SRGAP2: variants seen among roughly 807,000 people sequenced by gnomAD.
The protein encoded by SRGAP2 is SLIT-ROBO Rho GTPase activating protein 2.
SRGAP2 carries 15 observed loss-of-function variants against 57.2 expected under a neutral mutation model. That is an observed-to-expected ratio of 0.26 (90% CI 0.18 to 0.40). The LOEUF is 0.40. Ranked by LOEUF, SRGAP2 falls within the 10% of genes least tolerant of loss-of-function variation. The pLI is 1.00. For missense variants in SRGAP2, 520 were observed against 669.6 expected (o/e 0.78, Z 2.47); for synonymous variants, 249 against 248.0 (o/e 1.00, Z -0.04).
At chr1:206,372,979 TTCTTTCTTTC>T (rs1654787090) in intron 4 of SRGAP2, among the ~76,000 whole-genome samples, 2 of 79,720 alleles carry the variant, frequency 2.5e-5, no homozygotes, top group African/African-American at 5.9e-5. Context: ...CTTTCTTTCT[TTCTTTCTTTC>T]TTTCTTTCTT....
intron 3 of SRGAP2, among the ~76,000 whole-genome samples, chr1:206,329,572 T>C (rs1489201879): frequency 1.0e-5 from 1 of 97,932 alleles, no homozygotes; most frequent in Non-Finnish European, 2.1e-5. Context: ...TTTGAAGCAA[T>C]TGTGAATGGG....
At chr1:206,427,213 G>A (rs576635077) in intron 13 of SRGAP2, among the ~76,000 whole-genome samples, 1 of 152,120 alleles carries the variant, frequency 6.6e-6, no homozygotes, top group African/African-American at 2.4e-5. Context: ...TGTAATAACA[G>A]AAGTCTGTAA....
chr1:206,433,678 G>T (rs1194031407), intron 14 of SRGAP2, among the ~76,000 whole-genome samples: 1 of 151,726 alleles, frequency 6.6e-6, no homozygotes, highest in Non-Finnish European at 1.5e-5. Context: ...GGCAGAGTAT[G>T]GGTACAACCC....
At chr1:206,355,276 G>A (rs1676347882) in intron 4 of SRGAP2, among the ~76,000 whole-genome samples, 1 of 152,174 alleles carries the variant, frequency 6.6e-6, no homozygotes, top group African/African-American at 2.4e-5. Flanking sequence ...TTGTTTACTT[G>A]TGTTGTTAAG....
intron 3 of SRGAP2, among the ~76,000 whole-genome samples, chr1:206,325,017 T>C: frequency 1.5e-5 from 2 of 136,672 alleles, no homozygotes; most frequent in East Asian, 2.5e-4. Flanking sequence ...CCCGCTTCCC[T>C]CCCTCCCTCC....
In SRGAP2 at chr1:206,462,687, A is replaced by G. The variant is rs903777992; in HGVS notation, c.*1267A>G. 2.6e-5 allele frequency: 4 copies of G among 152,180 alleles called. No individual in the cohort carries two copies. The highest frequency in any genetic ancestry group is 9.7e-5 in the African/African-American group (4 of 41,442). 9.4% of individuals were successfully genotyped at this position (152,180 alleles called of 1,614,324 possible). ...AACAAGGACAATTAAGGGAACCCTG[A>G]CCCCACAGGCTCTCAAGTCTTCCCA... On this transcript the variant is annotated 3_prime_UTR_variant, in exon 23 of 23. Coordinates refer to ENST00000573034, the MANE Select transcript of SRGAP2 (RefSeq NM_015326.5).
intron 2 of SRGAP2, among the ~76,000 whole-genome samples, chr1:206,273,143 A>T (rs1229502507): frequency 5.3e-5 from 8 of 152,000 alleles, no homozygotes; most frequent in Non-Finnish European, 7.4e-5. Context: ...TGGCACACAG[A>T]TGGTTGGAAG....
intron 2 of SRGAP2, among the ~76,000 whole-genome samples, chr1:206,272,660 C>T (rs1447875844): frequency 5.9e-5 from 9 of 152,178 alleles, no homozygotes; most frequent in African/African-American, 1.9e-4. Flanking sequence ...CCTCCACTCA[C>T]CTCAGCCTCC....
At chr1:206,410,674 T>C (rs1659140006) in intron 10 of SRGAP2, among the ~76,000 whole-genome samples, 2 of 152,198 alleles carry the variant, frequency 1.3e-5, no homozygotes. Context: ...TTTTTTAACG[T>C]TCTTTATCTT....
At chr1:206,287,312 C>T (rs1373383808) in intron 2 of SRGAP2, among the ~76,000 whole-genome samples, 6 of 148,364 alleles carry the variant, frequency 4.0e-5, no homozygotes, top group Non-Finnish European at 7.5e-5. Flanking sequence ...AATGGTAAGT[C>T]AGTTGGAGGC....
In SRGAP2 at chr1:206,463,271, C is replaced by G. The variant is rs1664372843; in HGVS notation, c.*1851C>G. ...TGCTAGGCAGGAGAACTGAAGAACT[C>G]TTTCAGTGAAGTGAGTCAGCCTAGA... On this transcript the variant is annotated 3_prime_UTR_variant, in exon 23 of 23. Coordinates refer to ENST00000573034, the MANE Select transcript of SRGAP2 (RefSeq NM_015326.5). The G allele has an allele frequency of 6.6e-6, 1 of 152,546 alleles. No individual in the cohort carries two copies. Among genetic ancestry groups the G allele is most frequent in the Non-Finnish European group, 1.5e-5 (1 of 68,028 alleles). The allele number at this position is 152,546 out of a possible 1,614,324, so 9.4% of individuals were successfully genotyped here. A position where few individuals can be genotyped will look rare whatever the true frequency, so the allele number is the denominator to read the frequency against.
intron 17 of SRGAP2, among the ~76,000 whole-genome samples, chr1:206,445,456 G>A (rs562290534): frequency 6.6e-6 from 1 of 152,346 alleles, no homozygotes; most frequent in South Asian, 2.1e-4. Flanking sequence ...TAATAATCTA[G>A]AAGGAGATTA....
chr1:206,203,579 G>C lies in SRGAP2; in HGVS notation c.-614G>C, dbSNP rs560221056. 1 of 576,062 alleles carries C rather than the reference G, an allele frequency of 1.7e-6. No individual in the cohort carries two copies. Among genetic ancestry groups the C allele is most frequent in the Non-Finnish European group, 3.1e-6 (1 of 321,540 alleles). 35.7% of individuals were successfully genotyped at this position (576,062 alleles called of 1,614,324 possible). A position where few individuals can be genotyped will look rare whatever the true frequency, so the allele number is the denominator to read the frequency against. On this transcript the variant is annotated 5_prime_UTR_variant, in exon 1 of 23. Coordinates refer to ENST00000573034, the MANE Select transcript of SRGAP2 (RefSeq NM_015326.5). ...CCGATCTGCGTAGAAACGGGTGGCG[G>C]GGAAGAGAGGGGAGGAGAGCTCTGA...
chr1:206,285,736 C>T (rs1303077337), intron 2 of SRGAP2, among the ~76,000 whole-genome samples: 5 of 151,746 alleles, frequency 3.3e-5, no homozygotes, highest in African/African-American at 9.7e-5. Flanking sequence ...GGTGTGATCT[C>T]GGCTCAGTGC....
intron 4 of SRGAP2, among the ~76,000 whole-genome samples, chr1:206,369,186 C>T (rs1654302874): frequency 6.6e-6 from 1 of 151,990 alleles, no homozygotes; most frequent in Non-Finnish European, 1.5e-5. Flanking sequence ...TTTAAATTAA[C>T]TATGTTTAAT....
chr1:206,355,403 C>T (rs1276581413), intron 4 of SRGAP2, among the ~76,000 whole-genome samples: 2 of 151,918 alleles, frequency 1.3e-5, no homozygotes, highest in African/African-American at 4.8e-5. Context: ...AGCATCAGAG[C>T]AGGAAATACA....
chr1:206,427,412 A>T (rs1486108808), intron 13 of SRGAP2, among the ~76,000 whole-genome samples: 3 of 152,126 alleles, frequency 2.0e-5, no homozygotes, highest in Non-Finnish European at 4.4e-5. Context: ...GAGGAAGCAG[A>T]TGGGTTTGGG....
At chr1:206,440,153 T>G (rs1359917114) in intron 17 of SRGAP2, 72 bp downstream of exon 17, 8 of 741,220 alleles carry the variant, frequency 1.1e-5, no homozygotes, top group Non-Finnish European at 1.8e-5. Flanking sequence ...TATGGACCTA[T>G]GCCTATTCAT....
intron 4 of SRGAP2, among the ~76,000 whole-genome samples, chr1:206,372,984 T>G (rs1370960988): frequency 1.0e-5 from 1 of 96,596 alleles, no homozygotes; most frequent in Admixed American, 1.1e-4. Context: ...TTTCTTTCTT[T>G]CTTTCTTTCT....
Sources: gnomAD v4.1 joint callset for allele counts (sites outside exome capture counted in the v4.1 genomes callset) on GRCh38, gnomAD v4.1.1 for gene constraint, MANE v1.5 for transcripts, NCBI Gene and HGNC (gene_info 2026-07-23, HGNC 2026-07-21) for gene names.